CACNA1B: variants seen among roughly 807,000 people sequenced by gnomAD.
CACNA1B encodes the protein voltage-dependent N-type calcium channel subunit alpha-1B.
In CACNA1B, 70 loss-of-function variants were observed where a neutral mutation model predicts 247.2. The ratio of observed to expected loss-of-function variants is 0.28; its 90% confidence interval spans 0.23 to 0.35. The LOEUF (loss-of-function observed/expected upper bound fraction) is 0.35. Ranked by LOEUF, CACNA1B falls within the 10% of genes least tolerant of loss-of-function variation. The pLI, the probability that CACNA1B is intolerant of heterozygous loss-of-function variation, is 1.00. For missense variants in CACNA1B, 2,367 were observed against 3,197.4 expected (o/e 0.74, Z 6.26); for synonymous variants, 1,231 against 1,294.4 (o/e 0.95, Z 1.05).
At chr9:137,966,979 A>T (rs58861660) in intron 10 of CACNA1B, among the ~76,000 whole-genome samples, 6,210 of 75,472 alleles carry the variant, frequency 0.082, 193 homozygotes, top group African/African-American at 0.23. Flanking sequence ...TTTTTTTTTT[A>T]AAAAAAAAAC....
intron 12 of CACNA1B, among the ~76,000 whole-genome samples, chr9:137,979,156 A>AAAC (rs1958264275): frequency 6.6e-6 from 1 of 152,232 alleles, no homozygotes; most frequent in Non-Finnish European, 1.5e-5. Context: ...TAGCAGCTTT[A>AAAC]AACTACAAAA....
At position 137,882,628 on chromosome 9, in the gene CACNA1B, G is replaced by T; in HGVS notation, c.391-116G>T. On this transcript the variant is annotated intron_variant, in intron 2 of 46. Transcript: ENST00000371372. The surrounding 1 kb of genome is among the most constrained non-coding windows in gnomAD (Gnocchi z 4.0). ...GTTGGGGGCAAGGTGAGGAGGGTCAGACCCTCACGATAGCTGTGGCCTGCA... is the reference window on the plus strand; with the variant it reads ...GTTGGGGGCAAGGTGAGGAGGGTCATACCCTCACGATAGCTGTGGCCTGCA... 8.3e-7 allele frequency: 1 copy of T among 1,203,716 alleles called. No individual in the cohort carries two copies. The allele number at this position is 1,203,716 out of a possible 1,614,324, so 74.6% of individuals were successfully genotyped here. A position where few individuals can be genotyped will look rare whatever the true frequency, so the allele number is the denominator to read the frequency against.
At chr9:138,113,928 C>G (rs1961760170) in intron 40 of CACNA1B, among the ~76,000 whole-genome samples, 1 of 148,086 alleles carries the variant, frequency 6.8e-6, no homozygotes, top group Non-Finnish European at 1.5e-5. Flanking sequence ...CCAACTCCAT[C>G]TTGTGGGAGA....
At chr9:137,903,416 C>G (rs942509001) in intron 3 of CACNA1B, among the ~76,000 whole-genome samples, 13 of 152,140 alleles carry the variant, frequency 8.5e-5, no homozygotes, top group African/African-American at 2.7e-4. Context: ...CTTCTCATCA[C>G]TTGGTCGTGC....
At chr9:138,025,827 C>T (rs78948814) in intron 20 of CACNA1B, among the ~76,000 whole-genome samples, 1,614 of 152,282 alleles carry the variant, frequency 0.011, 26 homozygotes, top group African/African-American at 0.037. Flanking sequence ...CAAATACAGG[C>T]CCCTTACGTG....
intron 36 of CACNA1B, among the ~76,000 whole-genome samples, chr9:138,079,220 ACT>A (rs1288012825): frequency 1.3e-5 from 2 of 151,940 alleles, no homozygotes; most frequent in Admixed American, 6.6e-5. Flanking sequence ...TCTCAAGGTG[ACT>A]CTGTGTGTGT....
intron 10 of CACNA1B, among the ~76,000 whole-genome samples, chr9:137,970,445 T>A (rs1331282665): frequency 1.3e-5 from 2 of 152,136 alleles, no homozygotes; most frequent in Non-Finnish European, 2.9e-5. Flanking sequence ...CAAGCCCCTC[T>A]CAGTGTGAGG....
chr9:137,912,562 GAAGGC>G (rs1321056918), intron 3 of CACNA1B, among the ~76,000 whole-genome samples: 2 of 152,260 alleles, frequency 1.3e-5, no homozygotes, highest in Non-Finnish European at 2.9e-5. Context: ...CTCTGTGGTA[GAAGGC>G]AGATATGGGA....
In CACNA1B at chr9:138,102,820, C is replaced by T; in HGVS notation, c.5319+13C>T. On this transcript the variant is annotated intron_variant, in intron 38 of 46. Coordinates refer to ENST00000371372, the MANE Select transcript of CACNA1B (RefSeq NM_000718.4). This position sits in a 1 kb window ranked among gnomAD's most constrained non-coding sequence, Gnocchi z 5.4. Reference sequence around the variant, plus strand: ...AGTTGCTTACAAGGTAGACCCTGACCCTGCAACCCGCCCCCCAGGAGGCTG... The same window carrying T: ...AGTTGCTTACAAGGTAGACCCTGACTCTGCAACCCGCCCCCCAGGAGGCTG... 6.4e-7 allele frequency: 1 copy of T among 1,553,010 alleles called. No homozygotes were observed.
intron 3 of CACNA1B, among the ~76,000 whole-genome samples, chr9:137,902,881 G>T (rs951540695): frequency 6.6e-6 from 1 of 152,208 alleles, no homozygotes; most frequent in Non-Finnish European, 1.5e-5. Flanking sequence ...TGATGTCCCG[G>T]CAACCCCCAC....
Position 138,023,087 on chromosome 9 carries a change from G to C in CACNA1B, c.2344G>C (p.Ala782Pro). The C allele has an allele frequency of 6.5e-7, 1 of 1,530,904 alleles. No homozygotes were observed. Among genetic ancestry groups the C allele is most frequent in the Non-Finnish European group, 8.7e-7 (1 of 1,145,612 alleles). 94.8% of individuals were successfully genotyped at this position (1,530,904 alleles called of 1,614,324 possible). A position where few individuals can be genotyped will look rare whatever the true frequency, so the allele number is the denominator to read the frequency against. ...ASQLRLQNLR[A>P]SCEALYSEMD... The stretch of plus-strand genomic sequence containing the variant: ...CCAGCTACGGCTGCAGAACCTGCGG[G>C]CCAGCTGCGAGGCGCTGTACAGCGA... Residue 782 changes from alanine to proline, a missense_variant, in exon 19 of 47, where the codon GCC becomes CCC. This residue lies in a region of CACNA1B where 631 missense variants were observed against 631.1 expected (regional missense o/e 1.00). Transcript: ENST00000371372.
chr9:137,982,692 C>T (rs1006255337), intron 12 of CACNA1B, among the ~76,000 whole-genome samples: 11 of 152,168 alleles, frequency 7.2e-5, no homozygotes, highest in African/African-American at 2.4e-4. Flanking sequence ...AATCTTCAAC[C>T]CTAGGCAAAC....
intron 3 of CACNA1B, among the ~76,000 whole-genome samples, chr9:137,908,224 A>G (rs748724875): frequency 1.7e-4 from 26 of 152,192 alleles, no homozygotes; most frequent in Non-Finnish European, 3.7e-4. Flanking sequence ...ATTAAAAACA[A>G]CTTTACTGAG....
chr9:137,968,021 G>T (rs1958101571), intron 10 of CACNA1B, among the ~76,000 whole-genome samples: 1 of 152,184 alleles, frequency 6.6e-6, no homozygotes, highest in Non-Finnish European at 1.5e-5. Flanking sequence ...TTTCCGAAGA[G>T]AATTTTATTT....
rs771087588 is a variant in CACNA1B at position 138,120,402 on chromosome 9, C to T, written c.6238+30C>T. The T allele has an allele frequency of 2.0e-5, 31 of 1,523,108 alleles. No individual in the cohort carries two copies. In the East Asian group the frequency reaches 2.5e-4, roughly 12 times the overall value. The allele number at this position is 1,523,108 out of a possible 1,614,324, so 94.3% of individuals were successfully genotyped here. On this transcript the variant is annotated intron_variant, in intron 45 of 46. Transcript: ENST00000371372. Reference sequence around the variant, plus strand: ...GTGCGGAGGGGCCCGGGGAGTCCTTCGGGGAGCTATGGCCCGAGTCAGGGG... The same window carrying T: ...GTGCGGAGGGGCCCGGGGAGTCCTTTGGGGAGCTATGGCCCGAGTCAGGGG...
intron 21 of CACNA1B, among the ~76,000 whole-genome samples, chr9:138,046,197 CCT>C (rs1252433971): frequency 2.0e-5 from 3 of 152,188 alleles, no homozygotes; most frequent in Non-Finnish European, 2.9e-5. Context: ...TCTGGTCACC[CCT>C]GTGTCCCCCA....
At chr9:137,977,886 G>C (rs914088416) in intron 12 of CACNA1B, among the ~76,000 whole-genome samples, 1 of 151,742 alleles carries the variant, frequency 6.6e-6, no homozygotes, top group African/African-American at 2.4e-5. Flanking sequence ...CCCCAGGAAG[G>C]AGTAACAGGC....
chr9:138,003,615 T>G (rs542662182), intron 15 of CACNA1B, among the ~76,000 whole-genome samples: 1 of 152,136 alleles, frequency 6.6e-6, no homozygotes, highest in South Asian at 2.1e-4. Flanking sequence ...CAATAGATAA[T>G]GCAAATAGAG....
intron 35 of CACNA1B, 72 bp from the exon 36 acceptor site, chr9:138,078,042 C>A: frequency 1.4e-6 from 2 of 1,448,776 alleles, no homozygotes; most frequent in Non-Finnish European, 1.9e-6. Flanking sequence ...AGTGGGCACG[C>A]TTGGTAGCCC....
Sources: allele counts gnomAD v4.1 joint callset (sites outside exome capture counted in the v4.1 genomes callset), GRCh38; gene constraint gnomAD v4.1.1; regional missense constraint gnomAD v4.1.1; non-coding constraint Gnocchi (gnomAD v3.1); transcripts MANE v1.5; gene names NCBI Gene and HGNC (gene_info 2026-07-23, HGNC 2026-07-21).